The following KAT6A variants were observed in gnomAD, a reference collection of about 807,000 sequenced individuals.
KAT6A encodes lysine acetyltransferase 6A.
A neutral mutation model predicts 198.4 loss-of-function variants in KAT6A; 9 were observed. The ratio of observed to expected loss-of-function variants is 0.05; its 90% CI spans 0.03 to 0.08. KAT6A has a LOEUF of 0.08. Ranked by LOEUF, KAT6A falls within the 10% of genes least tolerant of loss-of-function variation. The pLI is 1.00. For synonymous variants in KAT6A, 890 were observed against 883.0 expected (o/e 1.01, Z -0.14); for missense variants, 2,077 against 2,509.9 (o/e 0.83, Z 3.69).
intron 2 of KAT6A, among the ~76,000 whole-genome samples, chr8:41,997,760 TCTATAATC>T: frequency 6.6e-6 from 1 of 152,118 alleles, no homozygotes; most frequent in Admixed American, 6.5e-5. Flanking sequence ...ACTCCCTTCT[TCTATAATC>T]AAGTAAAGTA....
At position 41,932,995 on chromosome 8, in the gene KAT6A, C is replaced by T; in HGVS notation, c.5225G>A (p.Gly1742Asp). 6.2e-7 allele frequency: 1 copy of T among 1,614,116 alleles called. No homozygotes were observed. Among genetic ancestry groups the T allele is most frequent in the Non-Finnish European group, 8.5e-7 (1 of 1,179,998 alleles). ...YERIPGDFGA[G>D]SYSQPSATFS... ...GGTGGCTGATGGTTGAGAGTAGCTGCCGGCACCAAAATCCCCTGGAATCCT... is the reference window on the plus strand; with the variant it reads ...GGTGGCTGATGGTTGAGAGTAGCTGTCGGCACCAAAATCCCCTGGAATCCT... Residue 1742 changes from glycine to aspartate, a missense_variant, in exon 17 of 17, where the codon GGC becomes GAC. Physicochemically the swap from Gly to Asp is moderately conservative, Grantham distance 94. Transcript: ENST00000265713.
chr8:41,959,605 G>A lies in KAT6A; in HGVS notation c.1483-4194C>T, dbSNP rs545351147. Among the ~76,000 whole-genome samples the A allele has an allele frequency of 3.9e-5, 6 of 152,336 alleles. No homozygotes were observed. In the East Asian group the frequency reaches 1.2e-3, roughly 29 times the overall value. ...TTTACAACCCAAGTATCCACTGACA[G>A]ATGAATGGATAAACCAAATGTGGTA... On this transcript the variant is annotated intron_variant, in intron 8 of 16. Coordinates refer to ENST00000265713, the MANE Select transcript of KAT6A (RefSeq NM_006766.5).
At chr8:41,949,604 A>AATAAC (rs1822570188) in intron 9 of KAT6A, among the ~76,000 whole-genome samples, 4 of 152,238 alleles carry the variant, frequency 2.6e-5, no homozygotes, top group Admixed American at 1.3e-4. Context: ...CAATTTGGAT[A>AATAAC]GTTATGCTTA....
rs779758004 is a variant in KAT6A at position 41,932,325 on chromosome 8, C to T, written c.5895G>A (p.Gln1965=). ...MGMMGSQAYT[Q]QPMQPNPHGN... ...CATGAGGGTTAGGCTGCATAGGCTG[C>T]TGGGTATAGGCCTGGCTCCCCATCA... Residue 1965 remains glutamine, a synonymous_variant, in exon 17 of 17, where the codon CAG becomes CAA. Transcript: ENST00000265713. 3.7e-6 allele frequency: 6 copies of T among 1,614,062 alleles called. No homozygotes were observed. The highest frequency in any genetic ancestry group is 3.3e-5 in the South Asian group (3 of 91,092).
chr8:42,040,124 T>C (rs1433015168), intron 2 of KAT6A, among the ~76,000 whole-genome samples: 3 of 152,038 alleles, frequency 2.0e-5, no homozygotes, highest in African/African-American at 7.2e-5. Context: ...TCATATAGAA[T>C]TCTTTTGAGA....
At position 42,048,489 on chromosome 8, in the gene KAT6A, A is replaced by G. The variant is rs1157959651; in HGVS notation, c.489T>C (p.Asp163=). 1 of 1,614,172 alleles carries G rather than the reference A, an allele frequency of 6.2e-7. No homozygotes were observed. Among genetic ancestry groups the G allele is most frequent in the Non-Finnish European group, 8.5e-7 (1 of 1,180,002 alleles). The change falls in exon 2 of 17, where the codon GAT becomes GAC. Residue 163 remains aspartate (D), a synonymous_variant. Coordinates refer to ENST00000265713, the MANE Select transcript of KAT6A (RefSeq NM_006766.5). ...TAGTGTTGAGCCGATAAAGAGGTCCATCTTTAAGGAGTCTGCCGTGGCCAA... is the reference window on the plus strand; with the variant it reads ...TAGTGTTGAGCCGATAAAGAGGTCCGTCTTTAAGGAGTCTGCCGTGGCCAA... ...RAIGHGRLLK[D]GPLYRLNTKA... is the part of the protein sequence containing the mutation.
At chr8:42,013,174 G>T (rs373603016) in intron 2 of KAT6A, among the ~76,000 whole-genome samples, 2 of 150,714 alleles carry the variant, frequency 1.3e-5, no homozygotes, top group Non-Finnish European at 2.9e-5. Context: ...AGTAGACACA[G>T]AAAAGAATGC....
intron 2 of KAT6A, among the ~76,000 whole-genome samples, chr8:42,036,400 C>T (rs557693899): frequency 1.2e-4 from 19 of 152,066 alleles, no homozygotes; most frequent in African/African-American, 1.9e-4. Context: ...CACCTGAGGT[C>T]AGGAGTTCAA....
chr8:42,022,382 A>T lies in KAT6A; in HGVS notation c.600+25996T>A, dbSNP rs902282913. The stretch of plus-strand genomic sequence containing the variant: ...TCTAAAGCAACATAGTAACAGTTTA[A>T]AAAAAAAAATTTGATTACCTCTAAG... On this transcript the variant is annotated intron_variant, in intron 2 of 16. Coordinates refer to ENST00000265713, the MANE Select transcript of KAT6A (RefSeq NM_006766.5). 7.0e-4 allele frequency among the ~76,000 whole-genome samples: 11 copies of T among 15,810 alleles called. No individual in the cohort carries two copies. The East Asian group carries it at 0.013, about 19-fold the overall frequency. The allele number at this position is 15,810 out of a possible 152,430, so 10.4% of individuals were successfully genotyped here. A position where few individuals can be genotyped will look rare whatever the true frequency, so the allele number is the denominator to read the frequency against.
chr8:42,023,833 A>C (rs1453954964), intron 2 of KAT6A, among the ~76,000 whole-genome samples: 2 of 152,032 alleles, frequency 1.3e-5, no homozygotes, highest in African/African-American at 2.4e-5. Flanking sequence ...TATCCAAAAA[A>C]AAAAAAAAAA....
At chr8:42,043,394 G>A (rs1044351252) in intron 2 of KAT6A, 2 of 152,122 alleles carry the variant, frequency 1.3e-5, no homozygotes, top group Admixed American at 6.5e-5. Context: ...CAATACAACT[G>A]ATCCCTACCT....
intron 2 of KAT6A, among the ~76,000 whole-genome samples, chr8:42,013,142 T>C (rs1048852467): frequency 2.0e-5 from 3 of 151,748 alleles, no homozygotes; most frequent in African/African-American, 7.3e-5. Context: ...TATAACTCTA[T>C]CCATTTATCA....
intron 2 of KAT6A, among the ~76,000 whole-genome samples, chr8:42,012,315 C>T (rs1411539565): frequency 6.6e-6 from 1 of 152,210 alleles, no homozygotes; most frequent in African/African-American, 2.4e-5. Context: ...ACAGCTCATC[C>T]TAATCCTTCG....
At position 41,985,052 on chromosome 8, in the gene KAT6A, G is replaced by A. The variant is rs537306157; in HGVS notation, c.709+2403C>T. On this transcript the variant is annotated intron_variant, in intron 3 of 16. Transcript: ENST00000265713. ...ATGCTCATCCTTAGCTTAGAGAGAC[G>A]CACAGACCACCTCAAATATAATGCT... Among the ~76,000 whole-genome samples, 19 of 151,348 alleles carry A rather than the reference G, an allele frequency of 1.3e-4. No individual in the cohort carries two copies. In the East Asian group the frequency reaches 3.1e-3, roughly 25 times the overall value.
chr8:42,021,554 T>C (rs1478406606), intron 2 of KAT6A, among the ~76,000 whole-genome samples: 3 of 152,134 alleles, frequency 2.0e-5, no homozygotes, highest in African/African-American at 7.2e-5. Context: ...AAATAACAAG[T>C]AAATGGTGAG....
intron 8 of KAT6A, among the ~76,000 whole-genome samples, chr8:41,973,371 G>A (rs762252721): frequency 3.3e-5 from 5 of 151,892 alleles, no homozygotes; most frequent in Non-Finnish European, 5.9e-5. Context: ...GACCACAGGC[G>A]TGTGCCACCG....
At position 41,934,109 on chromosome 8, in the gene KAT6A, G is replaced by A; in HGVS notation, c.4111C>T (p.Leu1371=). ...EKIKDKEETE[L]DSEEEQPSHD... is the part of the protein sequence containing the mutation. ...GAAGGCTGCTCCTCTTCGGAATCCA[G>A]CTCGGTTTCCTCTTTATCCTTTATC... Residue 1371 remains leucine, a synonymous_variant, in exon 17 of 17, where the codon CTG becomes TTG. Transcript: ENST00000265713. The A allele has an allele frequency of 6.2e-7, 1 of 1,614,050 alleles. No individual in the cohort carries two copies. The highest frequency in any genetic ancestry group is 2.2e-5 in the East Asian group (1 of 44,872).
Position 41,941,330 on chromosome 8 carries a change from G to A in KAT6A, c.2551C>T (p.Leu851Phe). The A allele has an allele frequency of 6.2e-7, 1 of 1,613,506 alleles. No individual in the cohort carries two copies. Among genetic ancestry groups the A allele is most frequent in the South Asian group, 1.1e-5 (1 of 91,062 alleles). Reference protein sequence around the residue: ...VSSTRLSKQVLPHDSLPANSQ... With the variant: ...VSSTRLSKQVFPHDSLPANSQ... The stretch of plus-strand genomic sequence containing the variant: ...TTTGCAGGAAGACTATCATGAGGAA[G>A]GACTTGTTTGCTCAAACGTGTAGAA... Residue 851 changes from leucine (L) to phenylalanine (F), a missense_variant, in exon 15 of 17, where the codon CTT becomes TTT. Transcript: ENST00000265713.
At position 41,934,409 on chromosome 8, in the gene KAT6A, C is replaced by T. The variant is rs1564005539; in HGVS notation, c.3811G>A (p.Glu1271Lys). Residue 1271 changes from glutamate to lysine, a missense_variant, in exon 17 of 17, where the codon GAG becomes AAG. Glu to Lys is a moderately conservative substitution (Grantham distance 56). Coordinates refer to ENST00000265713, the MANE Select transcript of KAT6A (RefSeq NM_006766.5). ...ACACGGGGCTTCTCTTCTTCCTCCTCCACCTCAGGCTCCTTGGTTTCGGTC... is the reference window on the plus strand; with the variant it reads ...ACACGGGGCTTCTCTTCTTCCTCCTTCACCTCAGGCTCCTTGGTTTCGGTC... ...PETETKEPEV[E>K]EEEEKPRVSE... 1 of 1,612,550 alleles carries T rather than the reference C, an allele frequency of 6.2e-7. No individual in the cohort carries two copies. The highest frequency in any genetic ancestry group is 8.5e-7 in the Non-Finnish European group (1 of 1,179,216).
Sources: gnomAD v4.1 joint callset for allele counts (sites outside exome capture counted in the v4.1 genomes callset) on GRCh38, gnomAD v4.1.1 for gene constraint, MANE v1.5 for transcripts, NCBI Gene and HGNC (gene_info 2026-07-23, HGNC 2026-07-21) for gene names.